Variants in CHCHD6 observed in about 807,000 individuals in gnomAD.
CHCHD6 encodes coiled-coil-helix-coiled-coil-helix domain containing 6.
A neutral mutation model predicts 32.3 loss-of-function variants in CHCHD6; 28 were observed. The observed-to-expected ratio is 0.87, with a 90% CI of 0.64 to 1.19. The LOEUF is 1.19. Among genes scored for constraint, CHCHD6 ranks in the 50% most tolerant of loss-of-function variants. The pLI, the probability that CHCHD6 is intolerant of heterozygous loss-of-function variation, is 0.00. For synonymous variants in CHCHD6, 122 were observed against 117.5 expected (o/e 1.04, Z -0.25); for missense variants, 333 against 307.0 (o/e 1.08, Z -0.63).
chr3:126,852,855 C>A, intron 5 of CHCHD6, 125 bp downstream of exon 5: 1 of 663,920 alleles, frequency 1.5e-6, no homozygotes, highest in Non-Finnish European at 2.7e-6. Flanking sequence ...AGATGCCAGT[C>A]ACTCCTTGGA....
intron 2 of CHCHD6, among the ~76,000 whole-genome samples, chr3:126,727,767 T>A (rs976795188): frequency 6.6e-6 from 1 of 152,200 alleles, no homozygotes; most frequent in Non-Finnish European, 1.5e-5. Flanking sequence ...TGTTCCCTAC[T>A]GTATTGTGCG....
chr3:126,879,475 A>G (rs985166005), intron 5 of CHCHD6, among the ~76,000 whole-genome samples: 3 of 152,224 alleles, frequency 2.0e-5, no homozygotes, highest in African/African-American at 7.2e-5. Context: ...TGAATCTAAT[A>G]ATAAGAAAAC....
intron 1 of CHCHD6, among the ~76,000 whole-genome samples, chr3:126,712,615 C>T (rs1006543041): frequency 7.9e-5 from 12 of 152,304 alleles, no homozygotes; most frequent in Middle Eastern, 3.4e-3. Context: ...AGGGGTCGCT[C>T]CTGCTCTCCG....
intron 4 of CHCHD6, among the ~76,000 whole-genome samples, chr3:126,761,879 A>C (rs1184160005): frequency 1.3e-5 from 2 of 152,140 alleles, no homozygotes; most frequent in Non-Finnish European, 2.9e-5. Flanking sequence ...TAGTTTAGGT[A>C]ATTTGTGTGT....
chr3:126,787,984 T>A (rs1321044420), intron 4 of CHCHD6, among the ~76,000 whole-genome samples: 1 of 152,220 alleles, frequency 6.6e-6, no homozygotes, highest in East Asian at 1.9e-4. Context: ...TCTCTTATTA[T>A]TTTGAGATAC....
At chr3:126,889,816 G>A (rs115429467) in intron 5 of CHCHD6, among the ~76,000 whole-genome samples, 1,809 of 152,344 alleles carry the variant, frequency 0.012, 19 homozygotes, top group Middle Eastern at 0.048. Flanking sequence ...AGCAACCCCA[G>A]CAGATGGCCT....
chr3:126,940,399 T>C (rs1402756612), intron 6 of CHCHD6, among the ~76,000 whole-genome samples: 1 of 152,246 alleles, frequency 6.6e-6, no homozygotes, highest in African/African-American at 2.4e-5. Context: ...TTTTTAATTA[T>C]CCTATTATTC....
intron 5 of CHCHD6, among the ~76,000 whole-genome samples, chr3:126,905,036 T>G (rs977703115): frequency 6.6e-6 from 1 of 152,130 alleles, no homozygotes; most frequent in African/African-American, 2.4e-5. Flanking sequence ...GCAGTGGACT[T>G]GACTACCTTA....
intron 4 of CHCHD6, among the ~76,000 whole-genome samples, chr3:126,831,441 T>C (rs146858969): frequency 0.011 from 1,665 of 152,302 alleles, 92 homozygotes; most frequent in Admixed American, 0.093. Flanking sequence ...TTAAGTGCTG[T>C]ATTGCAATTA....
intron 4 of CHCHD6, among the ~76,000 whole-genome samples, chr3:126,817,106 C>T (rs1236220093): frequency 6.6e-6 from 1 of 152,140 alleles, no homozygotes; most frequent in Non-Finnish European, 1.5e-5. Context: ...GATTGTTTTG[C>T]AAGGGTAAGG....
At chr3:126,748,231 T>A (rs1436964414) in intron 4 of CHCHD6, among the ~76,000 whole-genome samples, 2 of 151,960 alleles carry the variant, frequency 1.3e-5, no homozygotes, top group Admixed American at 1.3e-4. Flanking sequence ...TGCCATAGAG[T>A]GTCTTGGAAT....
intron 5 of CHCHD6, among the ~76,000 whole-genome samples, chr3:126,877,281 C>T (rs927522933): frequency 5.3e-5 from 8 of 152,086 alleles, no homozygotes; most frequent in Admixed American, 3.3e-4. Flanking sequence ...AACGGCCGGG[C>T]GTGGTGGCTC....
At chr3:126,742,599 A>T (rs1936329209) in intron 4 of CHCHD6, among the ~76,000 whole-genome samples, 1 of 152,180 alleles carries the variant, frequency 6.6e-6, no homozygotes. Flanking sequence ...TTGTAAATTC[A>T]TGAGTTGATG....
intron 4 of CHCHD6, among the ~76,000 whole-genome samples, chr3:126,794,830 G>A (rs1938715783): frequency 6.6e-6 from 1 of 152,102 alleles, no homozygotes; most frequent in African/African-American, 2.4e-5. Flanking sequence ...TGAAATGGGG[G>A]ACAGTGTATA....
intron 4 of CHCHD6, among the ~76,000 whole-genome samples, chr3:126,824,378 A>T (rs1025143187): frequency 3.3e-5 from 5 of 151,144 alleles, no homozygotes; most frequent in Non-Finnish European, 5.9e-5. Context: ...CCTGACCAAC[A>T]TGGAGAAGCC....
intron 6 of CHCHD6, among the ~76,000 whole-genome samples, chr3:126,939,199 C>T (rs137863583): frequency 8.1e-4 from 123 of 152,266 alleles, no homozygotes; most frequent in Non-Finnish European, 1.2e-3. Context: ...CGAGGGAACA[C>T]AGCTGGGACA....
intron 4 of CHCHD6, among the ~76,000 whole-genome samples, chr3:126,804,433 A>G (rs1431491020): frequency 6.6e-6 from 1 of 152,160 alleles, no homozygotes; most frequent in African/African-American, 2.4e-5. Context: ...TACTACAAAC[A>G]CCTCTACGCA....
chr3:126,824,160 CATTA>C (rs1270424688), intron 4 of CHCHD6, among the ~76,000 whole-genome samples: 1 of 152,076 alleles, frequency 6.6e-6, no homozygotes, highest in African/African-American at 2.4e-5. Context: ...AATATTTCAT[CATTA>C]ATTATGTTGT....
chr3:126,857,425 A>G (rs1164204860), intron 5 of CHCHD6, among the ~76,000 whole-genome samples: 3 of 152,138 alleles, frequency 2.0e-5, no homozygotes, highest in Non-Finnish European at 4.4e-5. Context: ...TACCTTTCAG[A>G]TGCTTCCCTG....
Sources: gnomAD v4.1 joint callset for allele counts (sites outside exome capture counted in the v4.1 genomes callset) on GRCh38, gnomAD v4.1.1 for gene constraint, MANE v1.5 for transcripts, NCBI Gene and HGNC (gene_info 2026-07-23, HGNC 2026-07-21) for gene names.